Variants in LIPE observed in about 807,000 individuals in gnomAD.
LIPE encodes lipase E, hormone sensitive type.
LIPE carries 66 observed loss-of-function variants against 88.5 expected under a neutral mutation model. That is an observed-to-expected ratio of 0.75 (90% confidence interval 0.61 to 0.91). The LOEUF is 0.91. Ranked by LOEUF, LIPE falls within the 40% of genes least tolerant of loss-of-function variation. LIPE has a pLI of 0.00. For synonymous variants in LIPE, 570 were observed against 617.5 expected, an observed-to-expected ratio of 0.92 and a Z score of 1.14; for missense variants, 1,346 against 1,434.7, an observed-to-expected ratio of 0.94 and a Z score of 1.00.
At position 42,410,090 on chromosome 19, in the gene LIPE, C is replaced by A. The variant is rs972804411; in HGVS notation, c.1419+217G>T. On this transcript the variant is annotated intron_variant, in intron 2 of 9. Coordinates refer to ENST00000244289, the MANE Select transcript of LIPE (RefSeq NM_005357.4). The surrounding 1 kb of genome is among the most constrained non-coding windows in gnomAD (Gnocchi z 6.1). Reference sequence around the variant, plus strand: ...CTGGTGAAAAAAGCTCTGCAAGTTGCATTTCTTACCACCTAGCAGATATGA... The same window carrying A: ...CTGGTGAAAAAAGCTCTGCAAGTTGAATTTCTTACCACCTAGCAGATATGA... Among the ~76,000 whole-genome samples, 2 of 152,200 alleles carry A rather than the reference C, an allele frequency of 1.3e-5. No individual in the cohort carries two copies. The highest frequency in any genetic ancestry group is 2.9e-5 in the Non-Finnish European group (2 of 68,030).
intron 2 of LIPE, among the ~76,000 whole-genome samples, chr19:42,409,876 T>C (rs2040317634): frequency 6.7e-6 from 1 of 149,870 alleles, no homozygotes; most frequent in South Asian, 2.1e-4. Flanking sequence ...AAGGGAAGCC[T>C]GGAGATGTGG....
intron 1 of LIPE, chr19:42,423,049 A>G (rs745754664): frequency 8.1e-6 from 2 of 247,328 alleles, no homozygotes; most frequent in Non-Finnish European, 8.2e-6. Context: ...TATCCTCTCA[A>G]GAGCGCTGGA....
intron 1 of LIPE, among the ~76,000 whole-genome samples, chr19:42,415,646 T>C (rs1339183590): frequency 6.6e-6 from 1 of 151,776 alleles, no homozygotes; most frequent in Non-Finnish European, 1.5e-5. Flanking sequence ...CCAGCTCTAC[T>C]AAAAATACAA....
At chr19:42,422,763 T>C (rs993405389) in intron 1 of LIPE, among the ~76,000 whole-genome samples, 3 of 152,072 alleles carry the variant, frequency 2.0e-5, no homozygotes, top group Admixed American at 6.6e-5. Flanking sequence ...CCTTCCCTTT[T>C]GCTGAGGCAG....
In LIPE at chr19:42,408,544, C is replaced by G; in HGVS notation, c.1420-222G>C. The G allele has an allele frequency of 3.7e-6, 2 of 538,148 alleles. No individual in the cohort carries two copies. The highest frequency in any genetic ancestry group is 4.4e-5 in the South Asian group (2 of 45,586). 33.3% of individuals were successfully genotyped at this position (538,148 alleles called of 1,614,324 possible). On this transcript the variant is annotated intron_variant, in intron 2 of 9. Coordinates refer to ENST00000244289, the MANE Select transcript of LIPE (RefSeq NM_005357.4). This position sits in a 1 kb window ranked among gnomAD's most constrained non-coding sequence, Gnocchi z 4.3. ...AGCAAAGCCACGCGCAGTATCATGA[C>G]AAGGAATGACGAATGGTTTGGAAAA...
At chr19:42,412,440 A>C (rs1460266447) in intron 1 of LIPE, 3 of 985,800 alleles carry the variant, frequency 3.0e-6, no homozygotes, top group East Asian at 2.3e-4. Flanking sequence ...AGCCTGGGGC[A>C]ATAAACCCGG....
chr19:42,402,990 G>A lies in LIPE; in HGVS notation c.2584C>T (p.Pro862Ser). 4 of 1,599,634 alleles carry A rather than the reference G, an allele frequency of 2.5e-6. No homozygotes were observed. The highest frequency in any genetic ancestry group is 3.4e-6 in the Non-Finnish European group (4 of 1,176,518). Residue 862 changes from proline to serine, a missense_variant, in exon 9 of 10, where the codon CCC becomes TCC. By Grantham distance (74) the Pro-to-Ser change is moderately conservative. Transcript: ENST00000244289. ...RSVSEAALAQ[P>S]QGPLGTDSLK... ...GAATCCGTGCCCAGTGGGCCCTGGG[G>A]CTGGGCCAGTGCTGCTTCAGACACA... is the stretch of plus-strand genomic sequence containing the variant.
intron 7 of LIPE, 105 bp from the exon 8 acceptor site, chr19:42,405,666 A>T (rs889101136): frequency 8.7e-7 from 1 of 1,153,390 alleles, no homozygotes; most frequent in Non-Finnish European, 1.2e-6. Context: ...AGAATATCCA[A>T]TCGCTTCAAA....
At chr19:42,424,344 GCA>G in intron 1 of LIPE, 1 of 457,110 alleles carries the variant, frequency 2.2e-6, no homozygotes, top group South Asian at 1.5e-5. Flanking sequence ...TTGCTCACAC[GCA>G]CACAGCCAAC....
At chr19:42,424,331 G>T (rs1319645758) in intron 1 of LIPE, 1 of 458,080 alleles carries the variant, frequency 2.2e-6, no homozygotes, top group Admixed American at 2.3e-5. Flanking sequence ...GGAGGCTCGA[G>T]GCTTGCTCAC....
Position 42,402,611 on chromosome 19 carries a change from A to G in LIPE, c.2963T>C (p.Ile988Thr), listed in dbSNP as rs2040018742. The change falls in exon 9 of 10, where the codon ATC (isoleucine) becomes ACC (threonine). Residue 988 changes from isoleucine to threonine, a missense_variant. Coordinates refer to ENST00000244289, the MANE Select transcript of LIPE (RefSeq NM_005357.4). ...CCGGCCCCCTCTGTCGCTCACCACG[A>G]TGTGCACAGGTGGCAGGCTCTTGAG... Reference protein sequence around the residue: ...SMLKSLPPVHIVACALDPMLD... With the variant: ...SMLKSLPPVHTVACALDPMLD... 6.7e-7 allele frequency: 1 copy of G among 1,485,904 alleles called. No homozygotes were observed. Among genetic ancestry groups the G allele is most frequent in the Non-Finnish European group, 9.0e-7 (1 of 1,115,584 alleles). The allele number at this position is 1,485,904 out of a possible 1,614,324, so 92.0% of individuals were successfully genotyped here. A position where few individuals can be genotyped will look rare whatever the true frequency, so the allele number is the denominator to read the frequency against.
intron 8 of LIPE, among the ~76,000 whole-genome samples, chr19:42,403,478 C>T (rs1490886921): frequency 4.0e-5 from 6 of 149,658 alleles, no homozygotes; most frequent in African/African-American, 4.9e-5. Context: ...GACAAAGTCT[C>T]GCTCTGTCAC....
Position 42,407,390 on chromosome 19 carries a change from G to A in LIPE, c.1921C>T (p.Pro641Ser), listed in dbSNP as rs757028603. 8 of 1,613,730 alleles carry A rather than the reference G, an allele frequency of 5.0e-6. No homozygotes were observed. The highest frequency in any genetic ancestry group is 6.8e-6 in the Non-Finnish European group (8 of 1,179,856). ...TGCACTATCAGGGACCGCGAGCGGG[G>A]TGCCTGCTGGGGGCGCGGCCACAGC... ...LELWPRPQQA[P>S]RSRSLIVHFH... Residue 641 changes from proline (P) to serine (S), a missense_variant, in exon 6 of 10, where the codon CCC becomes TCC. Physicochemically the swap from Pro to Ser is moderately conservative, Grantham distance 74. Transcript: ENST00000244289. This position sits in a 1 kb window ranked among gnomAD's most constrained non-coding sequence, Gnocchi z 5.8.
chr19:42,425,704 G>A (rs370108008), intron 1 of LIPE, among the ~76,000 whole-genome samples: 6 of 152,262 alleles, frequency 3.9e-5, no homozygotes, highest in East Asian at 3.9e-4. Flanking sequence ...CACCTACTCC[G>A]GAGGCTGAGG....
Position 42,414,898 on chromosome 19 carries a change from T to C in LIPE, c.884-4056A>G, listed in dbSNP as rs960407950. 1.3e-4 allele frequency among the ~76,000 whole-genome samples: 20 copies of C among 152,182 alleles called. No individual in the cohort carries two copies. Among genetic ancestry groups the C allele is most frequent in the African/African-American group, 4.6e-4 (19 of 41,436 alleles). ...CTGACTGCTCCACTGACCAGCCATT[T>C]CCCCCATCTCTCTTCTCGAGCCTCC... is the stretch of plus-strand genomic sequence containing the variant. On this transcript the variant is annotated intron_variant, in intron 1 of 9. Transcript: ENST00000244289. This position sits in a 1 kb window ranked among gnomAD's most constrained non-coding sequence, Gnocchi z 4.6.
Position 42,406,151 on chromosome 19 carries a change from T to C in LIPE, c.2365+10A>G, listed in dbSNP as rs1281902957. The C allele has an allele frequency of 6.3e-7, 1 of 1,592,572 alleles. No individual in the cohort carries two copies. The highest frequency in any genetic ancestry group is 8.6e-7 in the Non-Finnish European group (1 of 1,162,658). On this transcript the variant is annotated intron_variant, in intron 7 of 9. Coordinates refer to ENST00000244289, the MANE Select transcript of LIPE (RefSeq NM_005357.4). This position sits in a 1 kb window ranked among gnomAD's most constrained non-coding sequence, Gnocchi z 5.7. Reference sequence around the variant, plus strand: ...CAGTCCTGTTTCCCTGCTGAGGGTGTGGGCCTCACCAGCATAGGCGCTGAC... The same window carrying C: ...CAGTCCTGTTTCCCTGCTGAGGGTGCGGGCCTCACCAGCATAGGCGCTGAC...
rs766164446 is a variant in LIPE at position 42,427,105 on chromosome 19, A to G, written c.45T>C (p.Pro15=). 1 of 1,611,892 alleles carries G rather than the reference A, an allele frequency of 6.2e-7. No homozygotes were observed. Among genetic ancestry groups the G allele is most frequent in the East Asian group, 2.2e-5 (1 of 44,874 alleles). Residue 15 remains proline (P), a synonymous_variant, in exon 1 of 10, where the codon CCT becomes CCC. Coordinates refer to ENST00000244289, the MANE Select transcript of LIPE (RefSeq NM_005357.4). Reference sequence around the variant, plus strand: ...GGGTTATAGGCCTCTGGTGTGGTTCAGGTTGCCAGTCTGACCTAGACACTG... The same window carrying G: ...GGGTTATAGGCCTCTGGTGTGGTTCGGGTTGCCAGTCTGACCTAGACACTG... ...SKSVSRSDWQ[P]EPHQRPITPL...
At chr19:42,404,427 C>T (rs968020058) in intron 8 of LIPE, among the ~76,000 whole-genome samples, 1 of 152,260 alleles carries the variant, frequency 6.6e-6, no homozygotes. Context: ...GATGGGGTTT[C>T]ACCATGTTGG....
chr19:42,406,382 G>A lies in LIPE; in HGVS notation c.2144C>T (p.Thr715Ile). 6.2e-7 allele frequency: 1 copy of A among 1,612,286 alleles called. No homozygotes were observed. The highest frequency in any genetic ancestry group is 1.3e-5 in the African/African-American group (1 of 75,022). Residue 715 changes from threonine to isoleucine, a missense_variant, in exon 7 of 10, where the codon ACA becomes ATA. Thr to Ile is a moderately conservative substitution (Grantham distance 89). Transcript: ENST00000244289. The surrounding 1 kb of genome is among the most constrained non-coding windows in gnomAD (Gnocchi z 5.7). ...AIKHCALLGS[T>I]GERICLAGDS... Reference sequence around the variant, plus strand: ...CCCCGCAAGGCAGATTCGTTCCCCTGTTGAGCCTGGTTTGGGAGAGGGGTG... The same window carrying A: ...CCCCGCAAGGCAGATTCGTTCCCCTATTGAGCCTGGTTTGGGAGAGGGGTG...
Sources: gnomAD v4.1 joint callset for allele counts (sites outside exome capture counted in the v4.1 genomes callset) on GRCh38, gnomAD v4.1.1 for gene constraint, Gnocchi (gnomAD v3.1) non-coding constraint, MANE v1.5 for transcripts, NCBI Gene and HGNC (gene_info 2026-07-23, HGNC 2026-07-21) for gene names.